ELSPBP1: variants seen among roughly 807,000 people sequenced by gnomAD.
ELSPBP1 encodes the protein epididymal sperm-binding protein 1.
A neutral mutation model predicts 33.3 loss-of-function variants in ELSPBP1; 38 were observed. That is an observed-to-expected ratio of 1.14 (90% CI 0.88 to 1.50). The LOEUF (loss-of-function observed/expected upper bound fraction) is 1.50, where lower values mean the gene tolerates loss of function less well. Among genes scored for constraint, ELSPBP1 ranks in the 40% most tolerant of loss-of-function variants. The probability of loss-of-function intolerance (pLI) is 0.00; values close to 1 mark genes in which losing one functional copy is unlikely to be tolerated. For synonymous variants in ELSPBP1, 85 were observed against 94.1 expected, an observed-to-expected ratio of 0.90 and a Z score of 0.56; for missense variants, 267 against 263.5, an observed-to-expected ratio of 1.01 and a Z score of -0.09.
chr19:48,001,507 G>C (rs370064626), intron 1 of ELSPBP1, among the ~76,000 whole-genome samples: 3 of 151,872 alleles, frequency 2.0e-5, no homozygotes, highest in African/African-American at 7.3e-5. Context: ...GGGGAATCCC[G>C]GATCATCTTC....
intron 5 of ELSPBP1, 138 bp from the exon 6 acceptor site, chr19:48,022,032 G>A (rs552136951): frequency 5.1e-5 from 38 of 739,722 alleles, no homozygotes; most frequent in East Asian, 3.5e-4. Context: ...AAATGCGCGC[G>A]ATTAAATGCT....
At chr19:48,008,032 C>T (rs1319752813) in intron 1 of ELSPBP1, among the ~76,000 whole-genome samples, 2 of 152,098 alleles carry the variant, frequency 1.3e-5, no homozygotes, top group Non-Finnish European at 2.9e-5. Context: ...CTGAGAAGTG[C>T]ATTGTTAGGC....
At chr19:47,996,922 C>G (rs1966917413) in intron 1 of ELSPBP1, among the ~76,000 whole-genome samples, 1 of 152,180 alleles carries the variant, frequency 6.6e-6, no homozygotes, top group Non-Finnish European at 1.5e-5. Flanking sequence ...TAATGGCCAA[C>G]ATTTATTGTG....
chr19:48,020,403 C>A (rs1271221691), intron 5 of ELSPBP1, among the ~76,000 whole-genome samples: 1 of 152,044 alleles, frequency 6.6e-6, no homozygotes, highest in East Asian at 1.9e-4. Flanking sequence ...CTAAAGTGCA[C>A]CTGTTCACAG....
chr19:48,008,929 A>G (rs137965542), intron 2 of ELSPBP1, among the ~76,000 whole-genome samples, 192 bp downstream of exon 2: 2 of 152,128 alleles, frequency 1.3e-5, no homozygotes, highest in Admixed American at 6.5e-5. Context: ...TGAGGTCAGG[A>G]GTTCCAGAGC....
intron 4 of ELSPBP1, among the ~76,000 whole-genome samples, chr19:48,017,288 A>G (rs938955025): frequency 1.3e-5 from 2 of 152,108 alleles, no homozygotes; most frequent in African/African-American, 4.8e-5. Context: ...TTGTTCCCTT[A>G]GCACTCAACA....
intron 3 of ELSPBP1, among the ~76,000 whole-genome samples, 164 bp downstream of exon 3, chr19:48,014,472 T>C (rs945276690): frequency 7.4e-6 from 1 of 134,248 alleles, no homozygotes; most frequent in African/African-American, 2.9e-5. Flanking sequence ...TTCTAACTTG[T>C]GTGAGAACAC....
intron 2 of ELSPBP1, among the ~76,000 whole-genome samples, chr19:48,012,989 C>T (rs1967093625): frequency 6.6e-6 from 1 of 152,124 alleles, no homozygotes; most frequent in African/African-American, 2.4e-5. Context: ...TCCCCACCCC[C>T]CTCTCTTTTT....
intron 6 of ELSPBP1, among the ~76,000 whole-genome samples, chr19:48,023,490 G>GGGAA (rs142061110): frequency 1.1e-5 from 1 of 89,932 alleles, no homozygotes; most frequent in Non-Finnish European, 2.3e-5. Context: ...AGGGAAGGGA[G>GGGAA]GGAGGGAAGG....
intron 2 of ELSPBP1, among the ~76,000 whole-genome samples, chr19:48,013,586 G>A (rs957744876): frequency 2.6e-5 from 4 of 152,046 alleles, no homozygotes; most frequent in South Asian, 2.1e-4. Flanking sequence ...GTGTGGTGGC[G>A]GGCACCTGTA....
At chr19:47,996,049 C>G (rs1966909269) in intron 1 of ELSPBP1, among the ~76,000 whole-genome samples, 1 of 152,180 alleles carries the variant, frequency 6.6e-6, no homozygotes, top group African/African-American at 2.4e-5. Flanking sequence ...AATGTCTTAT[C>G]TATAGCTGTT....
intron 1 of ELSPBP1, among the ~76,000 whole-genome samples, chr19:47,998,632 A>G (rs1270573737): frequency 2.7e-5 from 4 of 149,354 alleles, no homozygotes; most frequent in African/African-American, 1.0e-4. Flanking sequence ...TAAAAATACA[A>G]AAAAATCAGC....
rs1008238526 is a variant in ELSPBP1 at position 48,008,759 on chromosome 19, G to A, written c.70+22G>A. ...GGAGGTAAGGACACTCAAAGCAACAGGGAGGATTTAGAAGCTGGAGAAGAA... is the reference window on the plus strand; with the variant it reads ...GGAGGTAAGGACACTCAAAGCAACAAGGAGGATTTAGAAGCTGGAGAAGAA... On this transcript the variant is annotated intron_variant, in intron 2 of 6. Transcript: ENST00000339841. 7 of 1,604,016 alleles carry A rather than the reference G, an allele frequency of 4.4e-6. No individual in the cohort carries two copies. The Admixed American group carries it at 1.2e-4, about 27-fold the overall frequency.
At chr19:48,007,281 A>G (rs1265886216) in intron 1 of ELSPBP1, among the ~76,000 whole-genome samples, 2 of 152,136 alleles carry the variant, frequency 1.3e-5, no homozygotes, top group East Asian at 1.9e-4. Flanking sequence ...GAACTCTGAC[A>G]CTAGTATAGA....
At chr19:48,002,425 C>T (rs1419729062) in intron 1 of ELSPBP1, among the ~76,000 whole-genome samples, 1 of 152,178 alleles carries the variant, frequency 6.6e-6, no homozygotes. Context: ...AAGCATGACA[C>T]TGCAGGTAGT....
intron 4 of ELSPBP1, among the ~76,000 whole-genome samples, chr19:48,016,461 TTTCC>T (rs1423750914): frequency 0.084 from 3,532 of 42,246 alleles, 238 homozygotes; most frequent in East Asian, 0.19. Context: ...CTTTCTTTTC[TTTCC>T]TTCTTTCTTT....
At chr19:48,021,715 G>A (rs956478695) in intron 5 of ELSPBP1, among the ~76,000 whole-genome samples, 46 of 152,102 alleles carry the variant, frequency 3.0e-4, no homozygotes, top group African/African-American at 1.1e-3. Flanking sequence ...CTCCCAAAGT[G>A]TTGGGATTAC....
At position 48,008,034 on chromosome 19, in the gene ELSPBP1, T is replaced by C. The variant is rs912756998; in HGVS notation, c.-17-617T>C. Among the ~76,000 whole-genome samples, 4 of 152,092 alleles carry C rather than the reference T, an allele frequency of 2.6e-5. No individual in the cohort carries two copies. In the East Asian group the frequency reaches 7.7e-4, roughly 29 times the overall value. ...TCAGGAATACAGTCTGAGAAGTGCA[T>C]TGTTAGGCAATGTCGTCCTTGTGTG... On this transcript the variant is annotated intron_variant, in intron 1 of 6. Coordinates refer to ENST00000339841, the MANE Select transcript of ELSPBP1 (RefSeq NM_022142.5).
chr19:48,015,294 A>G (rs1049897772), intron 3 of ELSPBP1, among the ~76,000 whole-genome samples: 1 of 152,328 alleles, frequency 6.6e-6, no homozygotes, highest in East Asian at 1.9e-4. Context: ...TGACAGAGGC[A>G]GAAGCAATGG....
Sources: allele counts gnomAD v4.1 joint callset (sites outside exome capture counted in the v4.1 genomes callset), GRCh38; gene constraint gnomAD v4.1.1; transcripts MANE v1.5; gene names NCBI Gene and HGNC (gene_info 2026-07-23, HGNC 2026-07-21).